Variants in ADGB observed in about 807,000 individuals in gnomAD.
The protein encoded by ADGB is androglobin.
Under a neutral mutation model 210.5 loss-of-function variants are expected in ADGB, and 172 were observed. That is an observed-to-expected ratio of 0.82 (90% CI 0.72 to 0.93). The LOEUF is 0.93. Among genes scored for constraint, ADGB ranks in the 40% least tolerant of loss-of-function variants. The probability of loss-of-function intolerance (pLI) is 0.00; values close to 1 mark genes in which losing one functional copy is unlikely to be tolerated. For missense variants in ADGB, 2,025 were observed against 1,964.8 expected (o/e 1.03, Z -0.58); for synonymous variants, 658 against 662.7 (o/e 0.99, Z 0.11).
At chr6:146,599,974 G>A (rs1183493534) in intron 1 of ADGB, among the ~76,000 whole-genome samples, 1 of 152,130 alleles carries the variant, frequency 6.6e-6, no homozygotes, top group Non-Finnish European at 1.5e-5. Context: ...TTACATCCTT[G>A]ATGCCTGTTT....
chr6:146,646,180 T>C (rs917451162), intron 3 of ADGB, among the ~76,000 whole-genome samples: 1 of 152,074 alleles, frequency 6.6e-6, no homozygotes, highest in Non-Finnish European at 1.5e-5. Context: ...CTTAGGATGT[T>C]ACTTTTTAGT....
intron 29 of ADGB, among the ~76,000 whole-genome samples, chr6:146,779,633 G>A (rs1777771138): frequency 6.6e-6 from 1 of 151,596 alleles, no homozygotes; most frequent in Non-Finnish European, 1.5e-5. Context: ...CAACATCTAG[G>A]GAGACCAGAA....
At chr6:146,807,513 G>A (rs528746419) in intron 35 of ADGB, 70 of 1,551,462 alleles carry the variant, frequency 4.5e-5, no homozygotes, top group South Asian at 3.3e-4. Flanking sequence ...TCAGGAAGCC[G>A]CCATGAAGCT....
At chr6:146,765,908 T>C (rs1777566436) in intron 28 of ADGB, among the ~76,000 whole-genome samples, 1 of 151,648 alleles carries the variant, frequency 6.6e-6, no homozygotes, top group Non-Finnish European at 1.5e-5. Flanking sequence ...AAATGTGGAA[T>C]AAAAAATAAA....
intron 2 of ADGB, among the ~76,000 whole-genome samples, chr6:146,643,142 C>T (rs560553214): frequency 4.0e-5 from 6 of 151,898 alleles, no homozygotes; most frequent in South Asian, 2.1e-4. Flanking sequence ...GTCAATTTTT[C>T]GATGACTCGC....
At chr6:146,792,183 C>A (rs1777964472) in intron 33 of ADGB, among the ~76,000 whole-genome samples, 1 of 151,974 alleles carries the variant, frequency 6.6e-6, no homozygotes, top group Non-Finnish European at 1.5e-5. Context: ...ATTTTTGGTC[C>A]AGATGGCTTT....
chr6:146,761,009 A>C (rs1227128854), intron 27 of ADGB, among the ~76,000 whole-genome samples: 1 of 151,970 alleles, frequency 6.6e-6, no homozygotes, highest in African/African-American at 2.4e-5. Context: ...GTTCTTCATC[A>C]AATGTATGCT....
At chr6:146,673,562 T>A (rs1316956757) in intron 8 of ADGB, among the ~76,000 whole-genome samples, 2 of 152,192 alleles carry the variant, frequency 1.3e-5, no homozygotes, top group African/African-American at 4.8e-5. Context: ...ACATTTTGCT[T>A]TCTTTAAAAA....
At chr6:146,653,428 A>C (rs1775733149) in intron 3 of ADGB, among the ~76,000 whole-genome samples, 1 of 152,170 alleles carries the variant, frequency 6.6e-6, no homozygotes, top group Non-Finnish European at 1.5e-5. Flanking sequence ...CACTGTTTTA[A>C]AGTACTTTTT....
At position 146,775,416 on chromosome 6, in the gene ADGB, A is replaced by T. The variant is rs1321461682; in HGVS notation, c.3862+6285A>T. ...ACAGTGCCACCTTTAGTATATTTTA[A>T]AACCTAAGTTTTGGTAAAAACTGCT... On this transcript the variant is annotated intron_variant, in intron 29 of 35. Transcript: ENST00000397944. Among the ~76,000 whole-genome samples, 4 of 152,266 alleles carry T rather than the reference A, an allele frequency of 2.6e-5. No individual in the cohort carries two copies. In the East Asian group the frequency reaches 7.7e-4, roughly 29 times the overall value.
At chr6:146,806,701 C>T (rs1254834589) in intron 35 of ADGB, among the ~76,000 whole-genome samples, 2 of 152,160 alleles carry the variant, frequency 1.3e-5, no homozygotes, top group Non-Finnish European at 2.9e-5. Context: ...GATTATATTA[C>T]TTTTGAAACA....
At position 146,716,985 on chromosome 6, in the gene ADGB, A is replaced by C; in HGVS notation, c.1844A>C (p.Lys615Thr). 1 of 1,551,682 alleles carries C rather than the reference A, an allele frequency of 6.4e-7. No homozygotes were observed. Among genetic ancestry groups the C allele is most frequent in the Non-Finnish European group, 8.7e-7 (1 of 1,146,952 alleles). ...AGCCAGACCACAGCAACACAGGAAA[A>C]GTCACAGGAAGAACTTCCAACAACA... ...IVSQTTATQEKSQEELPTTNN... is the reference protein window; with the variant it reads ...IVSQTTATQETSQEELPTTNN... Residue 615 changes from lysine to threonine, a missense_variant, in exon 15 of 36, where the codon AAG becomes ACG. Coordinates refer to ENST00000397944, the MANE Select transcript of ADGB (RefSeq NM_024694.4).
chr6:146,748,167 GA>G (rs202002689), intron 26 of ADGB, among the ~76,000 whole-genome samples: 23 of 150,704 alleles, frequency 1.5e-4, no homozygotes, highest in East Asian at 3.9e-4. Context: ...GTGGAATATG[GA>G]AAAAAAAACT....
rs1324600437 is a variant in ADGB, at chr6:146,715,389, C to A, written c.1715C>A (p.Thr572Asn). 6.7e-7 allele frequency: 1 copy of A among 1,501,428 alleles called. No individual in the cohort carries two copies. Among genetic ancestry groups the A allele is most frequent in the Non-Finnish European group, 8.9e-7 (1 of 1,124,552 alleles). The allele number at this position is 1,501,428 out of a possible 1,614,324, so 93.0% of individuals were successfully genotyped here. The change falls in exon 14 of 36, where the codon ACT becomes AAT. Residue 572 changes from threonine (T) to asparagine (N), a missense_variant. Thr to Asn is a moderately conservative substitution (Grantham distance 65, BLOSUM62 0). Transcript: ENST00000397944. ...QITKATSQGNTASQVILGKGT... is the reference protein window; with the variant it reads ...QITKATSQGNNASQVILGKGT... The stretch of plus-strand genomic sequence containing the variant: ...GTTTCTTTTAATTCATAGGGAAATA[C>A]TGCTTCACAAGTTATACTTGGAAAA...
intron 26 of ADGB, among the ~76,000 whole-genome samples, chr6:146,750,409 T>A (rs1021185017): frequency 9.2e-5 from 14 of 151,644 alleles, no homozygotes; most frequent in Non-Finnish European, 1.5e-4. Context: ...AAATAAAAAT[T>A]TAGTTGAGCA....
chr6:146,692,086 AG>A (rs776833363), intron 11 of ADGB, among the ~76,000 whole-genome samples: 2 of 152,168 alleles, frequency 1.3e-5, no homozygotes, highest in Non-Finnish European at 2.9e-5. Flanking sequence ...TTATTCATTC[AG>A]GGCATTGAGG....
chr6:146,722,063 G>T (rs1776826835), intron 17 of ADGB, among the ~76,000 whole-genome samples: 1 of 151,998 alleles, frequency 6.6e-6, no homozygotes, highest in African/African-American at 2.4e-5. Context: ...TGTTAGTGTT[G>T]TAGTTGTTGA....
intron 13 of ADGB, among the ~76,000 whole-genome samples, chr6:146,702,852 C>T (rs550538580): frequency 1.3e-5 from 2 of 151,790 alleles, no homozygotes; most frequent in Non-Finnish European, 3.0e-5. Flanking sequence ...GTTTGGCCAA[C>T]AAATACAATT....
At chr6:146,728,539 T>C in intron 19 of ADGB, 35 bp from the exon 20 acceptor site, 1 of 1,539,232 alleles carries the variant, frequency 6.5e-7, no homozygotes, top group Non-Finnish European at 8.8e-7. Flanking sequence ...CACTTAAGGA[T>C]GAGTGAGGAT....
Sources: gnomAD v4.1 joint callset for allele counts (sites outside exome capture counted in the v4.1 genomes callset) on GRCh38, gnomAD v4.1.1 for gene constraint, MANE v1.5 for transcripts, NCBI Gene and HGNC (gene_info 2026-07-23, HGNC 2026-07-21) for gene names.